Variants in SUSD4 observed in about 807,000 individuals in gnomAD.
SUSD4 encodes the protein sushi domain containing 4.
SUSD4 carries 41 observed loss-of-function variants against 50.5 expected under a neutral mutation model. The ratio of observed to expected loss-of-function variants is 0.81; its 90% CI spans 0.63 to 1.05. The LOEUF (loss-of-function observed/expected upper bound fraction) is 1.05, where lower values mean the gene tolerates loss of function less well. SUSD4 is among the 50% of genes least tolerant of loss of function. SUSD4 has a pLI of 0.00. For synonymous variants in SUSD4, 257 were observed against 257.3 expected (o/e 1.00, Z 0.01); for missense variants, 580 against 634.7 (o/e 0.91, Z 0.93).
intron 3 of SUSD4, among the ~76,000 whole-genome samples, chr1:223,281,164 C>T (rs1318524397): frequency 6.6e-6 from 1 of 152,108 alleles, no homozygotes; most frequent in African/African-American, 2.4e-5. Flanking sequence ...TCCCTAACAT[C>T]ACAATTAAAA....
At chr1:223,248,745 C>T (rs1389406155) in intron 5 of SUSD4, among the ~76,000 whole-genome samples, 5 of 152,050 alleles carry the variant, frequency 3.3e-5, no homozygotes, top group African/African-American at 9.7e-5. Context: ...TACCCAGCAG[C>T]GCTGAGGGAG....
At chr1:223,364,255 G>T (rs1252615883), upstream of SUSD4, 1 of 149,190 alleles carries the variant, frequency 6.7e-6, no homozygotes, top group East Asian at 2.0e-4. This position sits in a 1 kb window ranked among gnomAD's most constrained non-coding sequence, Gnocchi z 4.5. Context: ...TGTTGGGGGA[G>T]GACGGGAGCC....
At chr1:223,245,705 C>T (rs1263698184) in intron 5 of SUSD4, among the ~76,000 whole-genome samples, 2 of 152,180 alleles carry the variant, frequency 1.3e-5, no homozygotes, top group Non-Finnish European at 2.9e-5. Flanking sequence ...GCAGGACTGC[C>T]AGGAAGTGGC....
At chr1:223,295,182 A>G (rs1449394060) in intron 2 of SUSD4, among the ~76,000 whole-genome samples, 1 of 152,212 alleles carries the variant, frequency 6.6e-6, no homozygotes, top group East Asian at 1.9e-4. Flanking sequence ...ACATAGTGTC[A>G]TGAGCCATAG....
At chr1:223,222,508 C>G (rs924035769) in intron 8 of SUSD4, among the ~76,000 whole-genome samples, 5 of 152,172 alleles carry the variant, frequency 3.3e-5, no homozygotes, top group Admixed American at 3.3e-4. Context: ...CAGAAAGTTG[C>G]AAATTCAAGT....
chr1:223,289,075 A>G (rs1303135971), intron 3 of SUSD4: 1 of 984,960 alleles, frequency 1.0e-6, no homozygotes, highest in Non-Finnish European at 1.2e-6. Context: ...TTGGAAAGGA[A>G]GCGGCCAGAT....
intron 2 of SUSD4, among the ~76,000 whole-genome samples, chr1:223,305,711 T>C (rs554700700): frequency 6.6e-6 from 1 of 152,332 alleles, no homozygotes; most frequent in Non-Finnish European, 1.5e-5. Context: ...GTCATACTTC[T>C]GCCATATAGC....
At chr1:223,347,451 A>G (rs972952832) in intron 2 of SUSD4, among the ~76,000 whole-genome samples, 1 of 152,060 alleles carries the variant, frequency 6.6e-6, no homozygotes, top group Non-Finnish European at 1.5e-5. Flanking sequence ...CAGTGAGAAC[A>G]ATCTTTCCCA....
At chr1:223,283,989 C>T (rs1164834907) in intron 3 of SUSD4, among the ~76,000 whole-genome samples, 4 of 151,694 alleles carry the variant, frequency 2.6e-5, no homozygotes, top group South Asian at 4.2e-4. Context: ...GAACAAATAA[C>T]CAAACACCGC....
Position 223,229,481 on chromosome 1 carries a change from TA to T in SUSD4, c.725-94del. ...GAAGAATGGCCTAGGAGAACTCAGTTAAAAATGTGCTTATGGATTAATCACC... is the reference window on the plus strand; with the variant it reads ...GAAGAATGGCCTAGGAGAACTCAGTTAAAATGTGCTTATGGATTAATCACC... On this transcript the variant is annotated intron_variant, in intron 5 of 8. Coordinates refer to ENST00000366878, the MANE Select transcript of SUSD4 (RefSeq NM_017982.4). This position sits in a 1 kb window ranked among gnomAD's most constrained non-coding sequence, Gnocchi z 4.7. 1 of 1,225,748 alleles carries T rather than the reference TA, an allele frequency of 8.2e-7. No homozygotes were observed. The highest frequency in any genetic ancestry group is 1.1e-6 in the Non-Finnish European group (1 of 902,446). 75.9% of individuals were successfully genotyped at this position (1,225,748 alleles called of 1,614,324 possible). A position where few individuals can be genotyped will look rare whatever the true frequency, so the allele number is the denominator to read the frequency against.
At chr1:223,245,237 TTTTTA>T (rs769853463) in intron 5 of SUSD4, among the ~76,000 whole-genome samples, 3 of 151,318 alleles carry the variant, frequency 2.0e-5, no homozygotes, top group Admixed American at 6.6e-5. Context: ...TGTGTTTGTC[TTTTTA>T]TTTTATCTAG....
chr1:223,334,477 G>C (rs1194703661), intron 2 of SUSD4, among the ~76,000 whole-genome samples: 1 of 152,106 alleles, frequency 6.6e-6, no homozygotes, highest in Admixed American at 6.5e-5. Flanking sequence ...TCAAAGGCAT[G>C]AGTCTCCAAA....
intron 5 of SUSD4, among the ~76,000 whole-genome samples, chr1:223,248,494 T>G (rs1316082599): frequency 6.6e-6 from 1 of 152,236 alleles, no homozygotes; most frequent in African/African-American, 2.4e-5. Flanking sequence ...ACCAAAGTCC[T>G]GGCCATCTCC....
chr1:223,261,347 A>G (rs1279527136), intron 5 of SUSD4, among the ~76,000 whole-genome samples: 2 of 152,202 alleles, frequency 1.3e-5, no homozygotes, highest in African/African-American at 4.8e-5. Flanking sequence ...TAAATAGACA[A>G]TGTACCTTGG....
intron 3 of SUSD4, among the ~76,000 whole-genome samples, chr1:223,271,654 T>C (rs1022131264): frequency 6.6e-6 from 1 of 152,176 alleles, no homozygotes; most frequent in Non-Finnish European, 1.5e-5. Flanking sequence ...AAAGTCAACC[T>C]TGACAGAGAA....
intron 2 of SUSD4, among the ~76,000 whole-genome samples, chr1:223,320,311 A>G (rs1666496748): frequency 6.6e-6 from 1 of 152,156 alleles, no homozygotes; most frequent in South Asian, 2.1e-4. Flanking sequence ...TAATGTGACG[A>G]CATCATCAGG....
chr1:223,278,487 C>G (rs143540343), intron 3 of SUSD4, among the ~76,000 whole-genome samples: 4 of 152,156 alleles, frequency 2.6e-5, no homozygotes, highest in Non-Finnish European at 5.9e-5. Flanking sequence ...AGTCTGAGAT[C>G]GAACTGCAAG....
chr1:223,355,542 A>T (rs1262496459), intron 2 of SUSD4, among the ~76,000 whole-genome samples: 1 of 152,106 alleles, frequency 6.6e-6, no homozygotes, highest in Non-Finnish European at 1.5e-5. Flanking sequence ...TCTTAAAAAG[A>T]ATCTCCCTCC....
rs59885860 is a variant in SUSD4 at position 223,268,013 on chromosome 1, T to TTATATATATATATATATATATATATATA, written c.535+461_535+488dup. On this transcript the variant is annotated intron_variant, in intron 4 of 8. Coordinates refer to ENST00000366878, the MANE Select transcript of SUSD4 (RefSeq NM_017982.4). ...AATTTTTCTGCTCTTCATGCATTTT[T>TTATATATATATATATATATATATATATA]TATATATATATATATATATATATAT... Among the ~76,000 whole-genome samples the TTATATATATATATATATATATATATATA allele has an allele frequency of 2.0e-3, 106 of 53,190 alleles. 3 individuals carry two copies. The highest frequency in any genetic ancestry group is 3.1e-3 in the South Asian group (4 of 1,306). 34.9% of individuals were successfully genotyped at this position (53,190 alleles called of 152,430 possible).
Sources: gnomAD v4.1 joint callset for allele counts (sites outside exome capture counted in the v4.1 genomes callset) on GRCh38, gnomAD v4.1.1 for gene constraint, Gnocchi (gnomAD v3.1) non-coding constraint, MANE v1.5 for transcripts, NCBI Gene and HGNC (gene_info 2026-07-23, HGNC 2026-07-21) for gene names.